The following FEM1C variants were observed in gnomAD, a reference collection of about 807,000 sequenced individuals.
The protein encoded by FEM1C is protein fem-1 homolog C.
FEM1C carries 15 observed loss-of-function variants against 37.6 expected under a neutral mutation model. The observed-to-expected ratio is 0.40, with a 90% CI of 0.27 to 0.61. The LOEUF (loss-of-function observed/expected upper bound fraction) is 0.61. FEM1C is among the 20% of genes least tolerant of loss of function. The pLI, the probability that FEM1C is intolerant of heterozygous loss-of-function variation, is 0.42. For missense variants in FEM1C, 532 were observed against 749.7 expected, an observed-to-expected ratio of 0.71 and a Z score of 3.39; for synonymous variants, 287 against 272.8, an observed-to-expected ratio of 1.05 and a Z score of -0.51.
intron 2 of FEM1C, among the ~76,000 whole-genome samples, chr5:115,538,422 G>A (rs1180317171): frequency 1.3e-5 from 2 of 151,986 alleles, no homozygotes; most frequent in Non-Finnish European, 2.9e-5. Context: ...CATAGTGCTT[G>A]CCATCAAGGA....
intron 2 of FEM1C, among the ~76,000 whole-genome samples, chr5:115,536,648 T>G (rs997666898): frequency 3.3e-5 from 5 of 151,858 alleles, no homozygotes; most frequent in Non-Finnish European, 7.4e-5. Flanking sequence ...CTTCCCCATG[T>G]GTAGTCTATC....
Position 115,524,544 on chromosome 5 carries a change from G to T in FEM1C, c.1618C>A (p.His540Asn). The T allele has an allele frequency of 6.2e-7, 1 of 1,613,410 alleles. No homozygotes were observed. Among genetic ancestry groups the T allele is most frequent in the Non-Finnish European group, 8.5e-7 (1 of 1,179,662 alleles). ...SPLHIAALNN[H>N]PDIMNLLIKS... ...ATAAGGAGATTCATGATGTCTGGAT[G>T]GTTGTTAAGAGCAGCGATATGCAGG... The change falls in exon 3 of 3, where the codon CAT becomes AAT. Residue 540 changes from histidine to asparagine, a missense_variant. By Grantham distance (68) the His-to-Asn change is moderately conservative (BLOSUM62 1). Coordinates refer to ENST00000274457, the MANE Select transcript of FEM1C (RefSeq NM_020177.3).
Position 115,525,581 on chromosome 5 carries a change from C to T in FEM1C, c.581G>A (p.Ser194Asn), listed in dbSNP as rs1439719448. 1 of 1,613,352 alleles carries T rather than the reference C, an allele frequency of 6.2e-7. No individual in the cohort carries two copies. The change falls in exon 3 of 3, where the codon AGT (serine) becomes AAT (asparagine). Residue 194 changes from serine to asparagine, a missense_variant. Coordinates refer to ENST00000274457, the MANE Select transcript of FEM1C (RefSeq NM_020177.3). ...TALHDCAESG[S>N]LDIMKMLLMY... is the part of the protein sequence containing the mutation. ...AAGAAGCATCTTCATGATGTCCAAA[C>T]TTCCAGATTCTGCACAATCATGCAA...
intron 2 of FEM1C, among the ~76,000 whole-genome samples, chr5:115,541,061 G>T (rs2127175425): frequency 6.6e-6 from 1 of 152,076 alleles, no homozygotes; most frequent in East Asian, 1.9e-4. Flanking sequence ...AGGAACAAAT[G>T]AAAACACTTA....
intron 2 of FEM1C, among the ~76,000 whole-genome samples, chr5:115,535,971 A>G (rs1360041840): frequency 6.6e-6 from 1 of 152,054 alleles, no homozygotes; most frequent in East Asian, 1.9e-4. Context: ...ACAAAAGACT[A>G]CATATTATGT....
intron 1 of FEM1C, chr5:115,544,167 C>A: frequency 1.0e-6 from 1 of 985,382 alleles, no homozygotes; most frequent in Non-Finnish European, 1.2e-6. Flanking sequence ...AACTGTGCCC[C>A]GAAAGATTCT....
Position 115,521,383 on chromosome 5 carries a change from G to T in FEM1C, c.*2925C>A, listed in dbSNP as rs1753770890. 2 of 151,658 alleles carry T rather than the reference G, an allele frequency of 1.3e-5. No homozygotes were observed. Among genetic ancestry groups the T allele is most frequent in the Admixed American group, 1.3e-4 (2 of 15,206 alleles). The allele number at this position is 151,658 out of a possible 1,614,324, so 9.4% of individuals were successfully genotyped here. A position where few individuals can be genotyped will look rare whatever the true frequency, so the allele number is the denominator to read the frequency against. On this transcript the variant is annotated 3_prime_UTR_variant, in exon 3 of 3. Transcript: ENST00000274457. ...GACTGGGGTCTCTATACACATTAAG[G>T]TAGTCACTTTACAAGTGAGCTATCA...
At chr5:115,539,497 T>C (rs1370473818) in intron 2 of FEM1C, among the ~76,000 whole-genome samples, 1 of 152,066 alleles carries the variant, frequency 6.6e-6, no homozygotes, top group Non-Finnish European at 1.5e-5. Context: ...AAAACTCAAT[T>C]GCTATGACTG....
At chr5:115,536,261 ATAT>A (rs772957782) in intron 2 of FEM1C, among the ~76,000 whole-genome samples, 26 of 152,176 alleles carry the variant, frequency 1.7e-4, no homozygotes, top group Middle Eastern at 3.4e-3. Context: ...TAAAATAAAA[ATAT>A]TATATTTTTG....
chr5:115,521,704 A>G lies in FEM1C; in HGVS notation c.*2604T>C, dbSNP rs1225660837. The G allele has an allele frequency of 6.6e-6, 1 of 151,882 alleles. No homozygotes were observed. Among genetic ancestry groups the G allele is most frequent in the Middle Eastern group, 3.2e-3 (1 of 316 alleles). The allele number at this position is 151,882 out of a possible 1,614,324, so 9.4% of individuals were successfully genotyped here. On this transcript the variant is annotated 3_prime_UTR_variant, in exon 3 of 3. Coordinates refer to ENST00000274457, the MANE Select transcript of FEM1C (RefSeq NM_020177.3). ...ACAGTTTAGTTAGACTCAAGAGTGT[A>G]ATTGGTTCATTATTAAATTTACTCA... is the stretch of plus-strand genomic sequence containing the variant.
intron 2 of FEM1C, among the ~76,000 whole-genome samples, chr5:115,535,942 C>T (rs989227679): frequency 2.0e-5 from 3 of 151,994 alleles, no homozygotes; most frequent in African/African-American, 7.2e-5. Flanking sequence ...AAACATTACA[C>T]TAAGTAACAA....
At chr5:115,536,440 G>A (rs1754129607) in intron 2 of FEM1C, among the ~76,000 whole-genome samples, 1 of 151,844 alleles carries the variant, frequency 6.6e-6, no homozygotes, top group Non-Finnish European at 1.5e-5. Context: ...GTTGGGCTGA[G>A]TACAGAGGTG....
At chr5:115,537,197 C>T (rs979466910) in intron 2 of FEM1C, among the ~76,000 whole-genome samples, 7 of 152,000 alleles carry the variant, frequency 4.6e-5, no homozygotes, top group Non-Finnish European at 1.0e-4. Flanking sequence ...TACATTCCTG[C>T]TGCCTCAACA....
chr5:115,543,633 G>T lies in FEM1C; in HGVS notation c.-140C>A. The stretch of plus-strand genomic sequence containing the variant: ...CCCAGAACGGATACACAACCACGAA[G>T]AGTATGTTCCGTCCTACTGCTTTCC... On this transcript the variant is annotated 5_prime_UTR_variant, in exon 2 of 3. Coordinates refer to ENST00000274457, the MANE Select transcript of FEM1C (RefSeq NM_020177.3). 1 of 1,437,162 alleles carries T rather than the reference G, an allele frequency of 7.0e-7. No individual in the cohort carries two copies. The highest frequency in any genetic ancestry group is 9.1e-7 in the Non-Finnish European group (1 of 1,101,482). 89.0% of individuals were successfully genotyped at this position (1,437,162 alleles called of 1,614,324 possible). A position where few individuals can be genotyped will look rare whatever the true frequency, so the allele number is the denominator to read the frequency against.
At chr5:115,535,872 A>G (rs1023945279) in intron 2 of FEM1C, among the ~76,000 whole-genome samples, 1 of 151,970 alleles carries the variant, frequency 6.6e-6, no homozygotes, top group African/African-American at 2.4e-5. Context: ...TTTCAATGGA[A>G]TATTATTCTG....
chr5:115,542,253 T>A (rs1435391093), intron 2 of FEM1C, among the ~76,000 whole-genome samples: 1 of 152,168 alleles, frequency 6.6e-6, no homozygotes, highest in Non-Finnish European at 1.5e-5. Flanking sequence ...TGGACAAAGG[T>A]GTTTACACTG....
At chr5:115,532,942 A>T (rs1054910113) in intron 2 of FEM1C, among the ~76,000 whole-genome samples, 1 of 152,102 alleles carries the variant, frequency 6.6e-6, no homozygotes, top group African/African-American at 2.4e-5. Flanking sequence ...AGGAGCATGA[A>T]GGACATTTTT....
chr5:115,533,595 G>C lies in FEM1C; in HGVS notation c.545-7978C>G, dbSNP rs143173360. Reference sequence around the variant, plus strand: ...ATAACGATATATGCCAAGTACTATAGATTTAGCTCAAGAATTTTCTCTGGG... The same window carrying C: ...ATAACGATATATGCCAAGTACTATACATTTAGCTCAAGAATTTTCTCTGGG... On this transcript the variant is annotated intron_variant, in intron 2 of 2. Transcript: ENST00000274457. Among the ~76,000 whole-genome samples the C allele has an allele frequency of 4.7e-3, 712 of 151,992 alleles. 2 individuals carry two copies. Among genetic ancestry groups the C allele is most frequent in the African/African-American group, 0.016 (648 of 41,512 alleles).
intron 2 of FEM1C, among the ~76,000 whole-genome samples, chr5:115,532,547 A>AT (rs1561558522): frequency 6.6e-6 from 1 of 152,044 alleles, no homozygotes; most frequent in African/African-American, 2.4e-5. Context: ...AGGGGAAAAA[A>AT]AAAAGGCATG....
Sources: gnomAD v4.1 joint callset for allele counts (sites outside exome capture counted in the v4.1 genomes callset) on GRCh38, gnomAD v4.1.1 for gene constraint, MANE v1.5 for transcripts, NCBI Gene and HGNC (gene_info 2026-07-23, HGNC 2026-07-21) for gene names.